Variants in RAB1A observed in about 807,000 individuals in gnomAD.
RAB1A encodes ras-related protein Rab-1A.
Under a neutral mutation model 26.0 loss-of-function variants are expected in RAB1A, and 2 were observed. That is an observed-to-expected ratio of 0.08 (90% CI 0.03 to 0.24). RAB1A has a LOEUF of 0.24. Ranked by LOEUF, RAB1A falls within the 10% of genes least tolerant of loss-of-function variation. RAB1A has a pLI of 1.00. For missense variants in RAB1A, 100 were observed against 247.0 expected (o/e 0.40, Z 3.99); for synonymous variants, 84 against 84.9 (o/e 0.99, Z 0.06).
chr2:65,115,252 A>T (rs1308573445), intron 1 of RAB1A, among the ~76,000 whole-genome samples: 11 of 152,234 alleles, frequency 7.2e-5, no homozygotes, highest in African/African-American at 2.2e-4. Flanking sequence ...ATAGCATAAA[A>T]CTAAGCTCAC....
chr2:65,120,650 C>T (rs1433288868), intron 1 of RAB1A, among the ~76,000 whole-genome samples: 1 of 151,984 alleles, frequency 6.6e-6, no homozygotes, highest in Non-Finnish European at 1.5e-5. Flanking sequence ...CTGCCTATAA[C>T]TTTATGCAAA....
intron 1 of RAB1A, among the ~76,000 whole-genome samples, chr2:65,113,374 T>C (rs1669746415): frequency 6.6e-6 from 1 of 152,068 alleles, no homozygotes; most frequent in Non-Finnish European, 1.5e-5. Context: ...GGTGCAGTGG[T>C]GCACACCTGT....
intron 1 of RAB1A, among the ~76,000 whole-genome samples, chr2:65,107,374 C>G (rs1669586023): frequency 6.6e-6 from 1 of 152,080 alleles, no homozygotes; most frequent in Non-Finnish European, 1.5e-5. Context: ...CCCAAATACT[C>G]TTAAGAATAC....
At chr2:65,114,974 C>T (rs1442431966) in intron 1 of RAB1A, among the ~76,000 whole-genome samples, 1 of 152,184 alleles carries the variant, frequency 6.6e-6, no homozygotes, top group Non-Finnish European at 1.5e-5. Context: ...GGTTAGCTAT[C>T]TCTGGAGTCA....
intron 3 of RAB1A, among the ~76,000 whole-genome samples, chr2:65,093,665 C>A (rs906151833): frequency 2.7e-5 from 4 of 150,712 alleles, no homozygotes; most frequent in Non-Finnish European, 4.4e-5. Flanking sequence ...GCTCTGTCAC[C>A]AGGCTGGAGT....
chr2:65,099,375 T>G (rs1486481413), intron 2 of RAB1A, among the ~76,000 whole-genome samples: 1 of 152,194 alleles, frequency 6.6e-6, no homozygotes, highest in Non-Finnish European at 1.5e-5. Context: ...CAGAATGGAA[T>G]AAAAATATTT....
At chr2:65,110,281 A>G (rs1669665144) in intron 1 of RAB1A, among the ~76,000 whole-genome samples, 1 of 152,052 alleles carries the variant, frequency 6.6e-6, no homozygotes, top group African/African-American at 2.4e-5. Context: ...CTCTACTAAA[A>G]ATACAAAAAA....
chr2:65,104,914 A>T, intron 1 of RAB1A, 108 bp from the exon 2 acceptor site: 1 of 930,944 alleles, frequency 1.1e-6, no homozygotes, highest in Non-Finnish European at 1.8e-6. Flanking sequence ...TGAAGACTAC[A>T]TCTCCTATAA....
At chr2:65,098,612 C>T (rs1669344804) in intron 2 of RAB1A, among the ~76,000 whole-genome samples, 1 of 152,014 alleles carries the variant, frequency 6.6e-6, no homozygotes, top group Non-Finnish European at 1.5e-5. Flanking sequence ...TATACATTCA[C>T]AAGGTTGCAA....
At chr2:65,095,092 A>T (rs535920068) in intron 3 of RAB1A, among the ~76,000 whole-genome samples, 292 of 152,324 alleles carry the variant, frequency 1.9e-3, no homozygotes, top group Non-Finnish European at 3.2e-3. Context: ...CACTCTAGCG[A>T]GGGAGACAAA....
chr2:65,130,028 A>G lies in RAB1A; in HGVS notation c.-113T>C. Reference sequence around the variant, plus strand: ...GGAATGAGATAGGCTGTTCCGGGAGAGCAAACGTCTTCCCCTACTCCGTCC... The same window carrying G: ...GGAATGAGATAGGCTGTTCCGGGAGGGCAAACGTCTTCCCCTACTCCGTCC... On this transcript the variant is annotated 5_prime_UTR_variant, in exon 1 of 6. Coordinates refer to ENST00000409784, the MANE Select transcript of RAB1A (RefSeq NM_004161.5). The G allele has an allele frequency of 8.5e-7, 1 of 1,181,882 alleles. No individual in the cohort carries two copies. Among genetic ancestry groups the G allele is most frequent in the African/African-American group, 1.5e-5 (1 of 65,922 alleles). The allele number at this position is 1,181,882 out of a possible 1,614,324, so 73.2% of individuals were successfully genotyped here.
chr2:65,097,153 C>T (rs968038416), intron 3 of RAB1A, among the ~76,000 whole-genome samples: 1 of 152,186 alleles, frequency 6.6e-6, no homozygotes, highest in African/African-American at 2.4e-5. Context: ...GGGGCAGTCA[C>T]TGGTTTCCTG....
At chr2:65,095,711 T>G (rs1669267141) in intron 3 of RAB1A, among the ~76,000 whole-genome samples, 1 of 151,746 alleles carries the variant, frequency 6.6e-6, no homozygotes, top group Non-Finnish European at 1.5e-5. Flanking sequence ...AATGGTAAGC[T>G]TCTTAAAAAT....
At chr2:65,121,026 C>A (rs942532152) in intron 1 of RAB1A, among the ~76,000 whole-genome samples, 1 of 151,854 alleles carries the variant, frequency 6.6e-6, no homozygotes, top group South Asian at 2.1e-4. Context: ...GAGGCTCAGG[C>A]AGGAGGATCA....
At chr2:65,093,834 G>C (rs1669224719) in intron 3 of RAB1A, among the ~76,000 whole-genome samples, 1 of 152,002 alleles carries the variant, frequency 6.6e-6, no homozygotes, top group Admixed American at 6.6e-5. Flanking sequence ...ATGCTGGCCA[G>C]GCTGGTCACG....
At chr2:65,119,777 G>T (rs538961508) in intron 1 of RAB1A, among the ~76,000 whole-genome samples, 1 of 133,504 alleles carries the variant, frequency 7.5e-6, no homozygotes, top group South Asian at 2.4e-4. Context: ...GGCTAAGGTA[G>T]GAGGACTGCT....
At chr2:65,113,954 T>C (rs911468358) in intron 1 of RAB1A, among the ~76,000 whole-genome samples, 1 of 152,186 alleles carries the variant, frequency 6.6e-6, no homozygotes, top group African/African-American at 2.4e-5. Flanking sequence ...AAAAATGTTA[T>C]TTGAAAGGAG....
At chr2:65,113,562 G>C (rs1192006423) in intron 1 of RAB1A, among the ~76,000 whole-genome samples, 1 of 152,120 alleles carries the variant, frequency 6.6e-6, no homozygotes, top group East Asian at 1.9e-4. Context: ...TACTGTGAAA[G>C]CATGGAACAA....
chr2:65,092,563 G>C (rs1399451102), intron 3 of RAB1A, among the ~76,000 whole-genome samples: 1 of 152,202 alleles, frequency 6.6e-6, no homozygotes, highest in East Asian at 1.9e-4. Flanking sequence ...CTTTCACAAA[G>C]ATAGAAGGAA....
Sources: allele counts gnomAD v4.1 joint callset (sites outside exome capture counted in the v4.1 genomes callset), GRCh38; gene constraint gnomAD v4.1.1; transcripts MANE v1.5; gene names NCBI Gene and HGNC (gene_info 2026-07-23, HGNC 2026-07-21).